The following GPC6 variants were observed in gnomAD, a reference collection of about 807,000 sequenced individuals.
GPC6 encodes the protein glypican 6, also known as glypican-6.
Under a neutral mutation model 55.2 loss-of-function variants are expected in GPC6, and 14 were observed. The ratio of observed to expected loss-of-function variants is 0.25; its 90% CI spans 0.17 to 0.40. The LOEUF (loss-of-function observed/expected upper bound fraction) is 0.40, where lower values mean the gene tolerates loss of function less well. GPC6 is among the 10% of genes least tolerant of loss of function. GPC6 has a pLI of 1.00. For synonymous variants in GPC6, 278 were observed against 259.6 expected (o/e 1.07, Z -0.68); for missense variants, 641 against 708.5 (o/e 0.90, Z 1.08).
intron 1 of GPC6, among the ~76,000 whole-genome samples, chr13:93,411,372 C>A (rs1225405354): frequency 6.6e-6 from 1 of 152,178 alleles, no homozygotes. Flanking sequence ...GCAACCAAGG[C>A]AGACCCTTGG....
intron 3 of GPC6, chr13:94,025,531 G>A (rs1212184592): frequency 6.6e-6 from 1 of 151,498 alleles, no homozygotes; most frequent in African/African-American, 2.4e-5. Flanking sequence ...GTACTAACCT[G>A]GCCCAACCCT....
intron 1 of GPC6, among the ~76,000 whole-genome samples, chr13:93,239,979 C>G (rs918182684): frequency 1.3e-4 from 20 of 152,198 alleles, no homozygotes; most frequent in African/African-American, 4.3e-4. Context: ...GTTTATTCTG[C>G]TGCAGTCTGA....
At chr13:93,630,452 C>G (rs894839472) in intron 2 of GPC6, among the ~76,000 whole-genome samples, 1 of 152,114 alleles carries the variant, frequency 6.6e-6, no homozygotes, top group African/African-American at 2.4e-5. Flanking sequence ...GCCAAGCATA[C>G]AGTAGGTATT....
intron 1 of GPC6, among the ~76,000 whole-genome samples, chr13:93,490,211 C>T (rs779527748): frequency 6.6e-6 from 1 of 151,264 alleles, no homozygotes; most frequent in South Asian, 2.1e-4. Context: ...CCTTTTCTGC[C>T]TCTATTGAGA....
At chr13:94,351,798 A>G (rs141643563) in intron 6 of GPC6, among the ~76,000 whole-genome samples, 1 of 151,810 alleles carries the variant, frequency 6.6e-6, no homozygotes, top group Non-Finnish European at 1.5e-5. Context: ...GGATCCTCGG[A>G]GCATATACTC....
intron 1 of GPC6, among the ~76,000 whole-genome samples, chr13:93,400,971 G>T (rs1005536160): frequency 3.9e-5 from 6 of 152,158 alleles, no homozygotes; most frequent in African/African-American, 1.2e-4. Flanking sequence ...GGAACAGGAA[G>T]AGGTTGGTTT....
intron 4 of GPC6, among the ~76,000 whole-genome samples, chr13:94,212,775 C>T (rs921077563): frequency 6.6e-6 from 1 of 152,294 alleles, no homozygotes; most frequent in Middle Eastern, 3.4e-3. Flanking sequence ...TCAGTGAATC[C>T]TCACACACTT....
intron 3 of GPC6, among the ~76,000 whole-genome samples, chr13:93,915,201 A>G (rs1877224202): frequency 6.6e-6 from 1 of 152,186 alleles, no homozygotes; most frequent in Non-Finnish European, 1.5e-5. Flanking sequence ...TTCAGATCTT[A>G]TGTCACTAGA....
intron 2 of GPC6, among the ~76,000 whole-genome samples, chr13:93,600,949 C>CAAAAAA (rs1196219049): frequency 7.4e-5 from 2 of 27,014 alleles, no homozygotes; most frequent in Non-Finnish European, 1.6e-4. Context: ...AATTCCGCCT[C>CAAAAAA]AAAAAAAAAA....
At chr13:94,194,095 G>A (rs997172415) in intron 4 of GPC6, among the ~76,000 whole-genome samples, 16 of 152,150 alleles carry the variant, frequency 1.1e-4, no homozygotes, top group Admixed American at 1.0e-3. Flanking sequence ...CATTTGGGGA[G>A]TGTTATATAT....
At chr13:93,630,906 T>C (rs898265506) in intron 2 of GPC6, among the ~76,000 whole-genome samples, 1 of 152,156 alleles carries the variant, frequency 6.6e-6, no homozygotes, top group African/African-American at 2.4e-5. Flanking sequence ...TATTTGAAGA[T>C]AGGCCCTTTA....
At chr13:93,475,864 A>G (rs769707498) in intron 1 of GPC6, among the ~76,000 whole-genome samples, 38 of 152,208 alleles carry the variant, frequency 2.5e-4, no homozygotes, top group Non-Finnish European at 4.9e-4. Context: ...TCTTATCAGA[A>G]AAAACATTTG....
intron 2 of GPC6, among the ~76,000 whole-genome samples, chr13:93,729,879 A>C (rs1414953373): frequency 6.6e-6 from 1 of 152,232 alleles, no homozygotes; most frequent in Non-Finnish European, 1.5e-5. Context: ...AGAGAAAAAA[A>C]TGGATACATC....
intron 3 of GPC6, among the ~76,000 whole-genome samples, chr13:93,855,447 T>A (rs1479536086): frequency 6.6e-6 from 1 of 151,736 alleles, no homozygotes; most frequent in East Asian, 1.9e-4. Flanking sequence ...GATATCTTGG[T>A]TGCTTCCAAG....
intron 1 of GPC6, among the ~76,000 whole-genome samples, chr13:93,470,606 T>G (rs1348252498): frequency 1.3e-5 from 2 of 152,146 alleles, no homozygotes; most frequent in Admixed American, 1.3e-4. Flanking sequence ...TTCTTTTTCT[T>G]TGGTACTGTT....
chr13:94,165,651 T>TG (rs1260003925), intron 4 of GPC6, among the ~76,000 whole-genome samples: 1 of 152,090 alleles, frequency 6.6e-6, no homozygotes, highest in Non-Finnish European at 1.5e-5. Flanking sequence ...AAATAAAAAT[T>TG]TTTTTTAAAT....
intron 2 of GPC6, among the ~76,000 whole-genome samples, chr13:93,592,734 G>A (rs1328583119): frequency 2.0e-5 from 3 of 151,686 alleles, no homozygotes; most frequent in Non-Finnish European, 1.5e-5. Context: ...AACAAATTTG[G>A]GACCAGAAAT....
chr13:93,328,714 A>G (rs1879739740), intron 1 of GPC6, among the ~76,000 whole-genome samples: 1 of 152,028 alleles, frequency 6.6e-6, no homozygotes, highest in Admixed American at 6.6e-5. Context: ...TGAAGGGAAT[A>G]TCAAAATTTG....
chr13:93,879,916 A>G (rs1480281449), intron 3 of GPC6, among the ~76,000 whole-genome samples: 2 of 151,562 alleles, frequency 1.3e-5, no homozygotes, highest in East Asian at 1.9e-4. Flanking sequence ...ACATGAACAG[A>G]CATTTCTCAA....
Sources: gnomAD v4.1 joint callset for allele counts (sites outside exome capture counted in the v4.1 genomes callset) on GRCh38, gnomAD v4.1.1 for gene constraint, MANE v1.5 for transcripts, NCBI Gene and HGNC (gene_info 2026-07-23, HGNC 2026-07-21) for gene names.